The following PXDC1 variants were observed in gnomAD, a reference collection of about 807,000 sequenced individuals.
PXDC1 encodes the protein PX domain containing 1.
A neutral mutation model predicts 24.4 loss-of-function variants in PXDC1; 13 were observed. The observed-to-expected ratio is 0.53, with a 90% CI of 0.35 to 0.85. PXDC1 has a LOEUF of 0.85. Ranked by LOEUF, PXDC1 falls within the 40% of genes least tolerant of loss-of-function variation. The pLI is 0.01. For synonymous variants in PXDC1, 162 were observed against 124.9 expected, an observed-to-expected ratio of 1.30 and a Z score of -1.98; for missense variants, 344 against 309.3, an observed-to-expected ratio of 1.11 and a Z score of -0.84.
At chr6:3,734,742 G>A (rs777047108) in intron 3 of PXDC1, among the ~76,000 whole-genome samples, 2 of 152,002 alleles carry the variant, frequency 1.3e-5, no homozygotes, top group African/African-American at 2.4e-5. Flanking sequence ...CAAATTCATC[G>A]CAATCCCCAT....
At position 3,723,658 on chromosome 6, in the gene PXDC1, A is replaced by G. The variant is rs1319330215; in HGVS notation, c.657T>C (p.Tyr219=). The change falls in exon 5 of 5, where the codon TAT becomes TAC. Residue 219 remains tyrosine, a synonymous_variant. Transcript: ENST00000380283. ...CTGTCTCGAAGGGGACCAGGTGGTAATATGACAGGTTGGTGACGTAGGCTG... is the reference window on the plus strand; with the variant it reads ...CTGTCTCGAAGGGGACCAGGTGGTAGTATGACAGGTTGGTGACGTAGGCTG... The part of the protein sequence containing the change: ...DPAAYVTNLS[Y]YHLVPFETDI... 1.3e-5 allele frequency: 21 copies of G among 1,614,192 alleles called. No individual in the cohort carries two copies. Among genetic ancestry groups the G allele is most frequent in the Non-Finnish European group, 1.8e-5 (21 of 1,180,024 alleles).
At position 3,739,691 on chromosome 6, in the gene PXDC1, G is replaced by C. The variant is rs1760411839; in HGVS notation, c.257-1543C>G. 2.6e-5 allele frequency among the ~76,000 whole-genome samples: 4 copies of C among 152,252 alleles called. No homozygotes were observed. In the South Asian group the frequency reaches 8.3e-4, roughly 31 times the overall value. The stretch of plus-strand genomic sequence containing the variant: ...CCTCCCCACACGCCGGGGCAAGCAG[G>C]GTGGAGAAGGAAGAAAACGAGAAAA... On this transcript the variant is annotated intron_variant, in intron 1 of 4. Transcript: ENST00000380283.
At chr6:3,727,743 C>A in intron 3 of PXDC1, 81 bp from the exon 4 acceptor site, 1 of 843,424 alleles carries the variant, frequency 1.2e-6, no homozygotes, top group Non-Finnish European at 2.0e-6. Flanking sequence ...CTCCCATCTC[C>A]CTGCTTTCTC....
chr6:3,723,519 CCA>C lies in PXDC1; in HGVS notation c.*98_*99del. On this transcript the variant is annotated 3_prime_UTR_variant, in exon 5 of 5. Transcript: ENST00000380283. ...GTGGGGCCTGGGACGTCTGGGAGTT[CCA>C]GAGCTGGGGCAGCAGCTGTGACCAT... 1 of 932,296 alleles carries C rather than the reference CCA, an allele frequency of 1.1e-6. No individual in the cohort carries two copies. The highest frequency in any genetic ancestry group is 1.4e-5 in the South Asian group (1 of 69,644). 57.8% of individuals were successfully genotyped at this position (932,296 alleles called of 1,614,324 possible). A position where few individuals can be genotyped will look rare whatever the true frequency, so the allele number is the denominator to read the frequency against.
At chr6:3,742,753 C>T (rs114132563) in intron 1 of PXDC1, among the ~76,000 whole-genome samples, 2,952 of 152,230 alleles carry the variant, frequency 0.019, 77 homozygotes, top group Non-Finnish European at 0.022. Context: ...CCAGATGTAG[C>T]CAAACAATTA....
At chr6:3,745,354 G>A (rs1043234830) in intron 1 of PXDC1, among the ~76,000 whole-genome samples, 15 of 152,256 alleles carry the variant, frequency 9.9e-5, no homozygotes. Context: ...TGGTCCCAAA[G>A]CCAGCAGCCC....
intron 1 of PXDC1, among the ~76,000 whole-genome samples, chr6:3,742,144 G>A (rs1308381152): frequency 6.6e-6 from 1 of 152,194 alleles, no homozygotes; most frequent in African/African-American, 2.4e-5. Context: ...TCCAGGAACA[G>A]ACAAGAACTA....
In PXDC1 at chr6:3,738,974, G is replaced by A. The variant is rs969387607; in HGVS notation, c.257-826C>T. 6 of 1,289,652 alleles carry A rather than the reference G, an allele frequency of 4.7e-6. No homozygotes were observed. In the African/African-American group the frequency reaches 7.6e-5, roughly 16 times the overall value. The allele number at this position is 1,289,652 out of a possible 1,614,324, so 79.9% of individuals were successfully genotyped here. ...CCGAGGCTGATGCAAACGTGCCTGT[G>A]AGCGGTGATTAAACCACAAAGGCTT... On this transcript the variant is annotated intron_variant, in intron 1 of 4. Transcript: ENST00000380283.
intron 4 of PXDC1, among the ~76,000 whole-genome samples, chr6:3,727,086 A>G (rs1417555830): frequency 6.6e-6 from 1 of 152,234 alleles, no homozygotes; most frequent in African/African-American, 2.4e-5. Context: ...AGCATGTGTT[A>G]CAGTCAAATC....
At chr6:3,731,937 G>T (rs1181129741) in intron 3 of PXDC1, among the ~76,000 whole-genome samples, 1 of 152,246 alleles carries the variant, frequency 6.6e-6, no homozygotes, top group Non-Finnish European at 1.5e-5. Context: ...TGAGGCTGCT[G>T]TGGAGTGCCT....
intron 3 of PXDC1, among the ~76,000 whole-genome samples, chr6:3,736,503 T>TC (rs376115675): frequency 6.6e-6 from 1 of 152,194 alleles, no homozygotes; most frequent in African/African-American, 2.4e-5. Context: ...AAAATCCTCC[T>TC]CATCAGCCTT....
At chr6:3,751,113 C>A (rs1760704230) in intron 1 of PXDC1, 163 bp downstream of exon 1, 1 of 570,932 alleles carries the variant, frequency 1.8e-6, no homozygotes, top group Non-Finnish European at 2.9e-6. Context: ...CTAACCCCGC[C>A]GCCCGGGCAC....
intron 1 of PXDC1, among the ~76,000 whole-genome samples, chr6:3,745,328 C>T (rs538463419): frequency 2.6e-4 from 39 of 152,358 alleles, no homozygotes; most frequent in African/African-American, 8.7e-4. Context: ...TGGCAAGTGC[C>T]AGGGCAAAGA....
chr6:3,743,381 CATTTAT>C (rs1375901967), intron 1 of PXDC1, among the ~76,000 whole-genome samples: 1 of 152,028 alleles, frequency 6.6e-6, no homozygotes, highest in Non-Finnish European at 1.5e-5. Context: ...CCATAAATTA[CATTTAT>C]ATTGTTTCCT....
chr6:3,734,427 A>T (rs539805113), intron 3 of PXDC1, among the ~76,000 whole-genome samples: 1 of 152,260 alleles, frequency 6.6e-6, no homozygotes, highest in Admixed American at 6.5e-5. Context: ...AAACAGAGAC[A>T]CTGGTGCTAG....
At chr6:3,731,044 T>C (rs1301890144) in intron 3 of PXDC1, among the ~76,000 whole-genome samples, 1 of 152,250 alleles carries the variant, frequency 6.6e-6, no homozygotes. Context: ...TACTGAGGGC[T>C]CAATAAAGAG....
At chr6:3,747,831 C>T (rs1251517039) in intron 1 of PXDC1, among the ~76,000 whole-genome samples, 5 of 152,132 alleles carry the variant, frequency 3.3e-5, no homozygotes, top group Non-Finnish European at 7.3e-5. Flanking sequence ...CAGGGATGTT[C>T]TTGGTCTCTT....
At chr6:3,746,762 G>T (rs948053626) in intron 1 of PXDC1, among the ~76,000 whole-genome samples, 2 of 152,106 alleles carry the variant, frequency 1.3e-5, no homozygotes, top group Admixed American at 6.5e-5. Context: ...GCCATCGGGT[G>T]GGATTCTCCC....
At chr6:3,747,927 T>C (rs149194962) in intron 1 of PXDC1, among the ~76,000 whole-genome samples, 71 of 152,316 alleles carry the variant, frequency 4.7e-4, no homozygotes, top group African/African-American at 1.7e-3. Context: ...AAAATGTTGA[T>C]TGTACAGCTA....
Sources: gnomAD v4.1 joint callset for allele counts (sites outside exome capture counted in the v4.1 genomes callset) on GRCh38, gnomAD v4.1.1 for gene constraint, MANE v1.5 for transcripts, NCBI Gene and HGNC (gene_info 2026-07-23, HGNC 2026-07-21) for gene names.